The following CBLN2 variants were observed in gnomAD, a reference collection of about 807,000 sequenced individuals.
CBLN2 encodes cerebellin 2 precursor, also known as cerebellin-2.
CBLN2 carries 7 observed loss-of-function variants against 15.0 expected under a neutral mutation model. The ratio of observed to expected loss-of-function variants is 0.47; its 90% CI spans 0.27 to 0.88. The LOEUF (loss-of-function observed/expected upper bound fraction) is 0.88, where lower values mean the gene tolerates loss of function less well. Ranked by LOEUF, CBLN2 falls within the 40% of genes least tolerant of loss-of-function variation. The pLI is 0.14. For synonymous variants in CBLN2, 149 were observed against 135.2 expected (o/e 1.10, Z -0.71); for missense variants, 242 against 304.5 (o/e 0.79, Z 1.53).
chr18:72,605,281 A>G (rs1373182923), intron 1 of CBLN2, among the ~76,000 whole-genome samples: 1 of 152,180 alleles, frequency 6.6e-6, no homozygotes, highest in East Asian at 1.9e-4. Context: ...TATTTAATTT[A>G]TGACTCTACA....
chr18:72,618,346 A>G (rs1325182298), intron 1 of CBLN2: 1 of 478,238 alleles, frequency 2.1e-6, no homozygotes, highest in East Asian at 4.2e-5. Flanking sequence ...GAAACAACCA[A>G]TGAGAGCCTG....
At chr18:72,562,367 A>G (rs1428399501) in intron 1 of CBLN2, among the ~76,000 whole-genome samples, 1 of 152,220 alleles carries the variant, frequency 6.6e-6, no homozygotes, top group Non-Finnish European at 1.5e-5. Context: ...AAAAGAGGAT[A>G]AAGTATATCT....
intron 1 of CBLN2, among the ~76,000 whole-genome samples, chr18:72,555,572 A>T (rs949801557): frequency 1.3e-5 from 2 of 152,182 alleles, no homozygotes; most frequent in African/African-American, 4.8e-5. Context: ...TAATTTATGA[A>T]TTATAGAATT....
Position 72,543,135 on chromosome 18 carries a change from G to C in CBLN2, c.-167+351C>G, listed in dbSNP as rs1032813156. 4.8e-6 allele frequency: 1 copy of C among 208,812 alleles called. No individual in the cohort carries two copies. The highest frequency in any genetic ancestry group is 9.5e-6 in the Non-Finnish European group (1 of 104,942). The allele number at this position is 208,812 out of a possible 1,614,324, so 12.9% of individuals were successfully genotyped here. On this transcript the variant is annotated intron_variant, in intron 2 of 4. Transcript: ENST00000269503. This position sits in a 1 kb window ranked among gnomAD's most constrained non-coding sequence, Gnocchi z 6.8. ...CCACGGGGATTCTCTCTTTCTCAGC[G>C]GGGCGGCAGCCCCTGCAGGTTTCTG...
chr18:72,573,067 C>T (rs2069342550), intron 1 of CBLN2, among the ~76,000 whole-genome samples: 1 of 152,100 alleles, frequency 6.6e-6, no homozygotes. Context: ...AGCTGCCACA[C>T]TTGTTTTCAA....
chr18:72,623,984 G>A (rs2069717697), intron 1 of CBLN2, among the ~76,000 whole-genome samples: 1 of 152,158 alleles, frequency 6.6e-6, no homozygotes. Context: ...GGACCTTCAC[G>A]AGAGGTTTCT....
At chr18:72,584,145 TC>T (rs959151758) in intron 1 of CBLN2, among the ~76,000 whole-genome samples, 4 of 152,126 alleles carry the variant, frequency 2.6e-5, no homozygotes, top group African/African-American at 9.7e-5. Flanking sequence ...AGGTCACTTG[TC>T]CTGCACATAG....
intron 1 of CBLN2, among the ~76,000 whole-genome samples, chr18:72,607,874 A>C (rs542901353): frequency 1.3e-5 from 2 of 152,212 alleles, no homozygotes; most frequent in South Asian, 4.2e-4. Context: ...GAAACACATT[A>C]CAAACTTTTT....
intron 1 of CBLN2, among the ~76,000 whole-genome samples, chr18:72,578,110 G>C (rs1289792043): frequency 6.6e-6 from 1 of 152,106 alleles, no homozygotes; most frequent in Non-Finnish European, 1.5e-5. Flanking sequence ...CTAAAACAGG[G>C]ATTTTACTAC....
chr18:72,632,212 A>G (rs1356781428), intron 1 of CBLN2, among the ~76,000 whole-genome samples: 1 of 152,120 alleles, frequency 6.6e-6, no homozygotes, highest in East Asian at 1.9e-4. Flanking sequence ...GAAGCCCTGA[A>G]GGGTAACTGG....
intron 1 of CBLN2, among the ~76,000 whole-genome samples, chr18:72,625,814 C>CTATATA (rs1250960600): frequency 4.4e-3 from 291 of 66,550 alleles, no homozygotes; most frequent in Middle Eastern, 0.011. Flanking sequence ...CTCTCTCTCT[C>CTATATA]TCTCTATATA....
intron 1 of CBLN2, among the ~76,000 whole-genome samples, chr18:72,633,888 G>A (rs143790733): frequency 6.4e-4 from 97 of 152,144 alleles, no homozygotes; most frequent in African/African-American, 2.2e-3. Flanking sequence ...TACTGTTTAT[G>A]AATCTTGATG....
intron 1 of CBLN2, among the ~76,000 whole-genome samples, chr18:72,633,789 A>T (rs948245553): frequency 1.3e-5 from 2 of 152,164 alleles, no homozygotes; most frequent in African/African-American, 4.8e-5. Context: ...ATAAACATGC[A>T]TCTGACCTCT....
At chr18:72,544,842 G>A (rs2069146899), upstream of CBLN2, among the ~76,000 whole-genome samples, 1 of 151,688 alleles carries the variant, frequency 6.6e-6, no homozygotes, top group East Asian at 1.9e-4. Context: ...CAGACAACTG[G>A]GCCGTATAGT....
chr18:72,614,904 G>T (rs2069646625), intron 1 of CBLN2, among the ~76,000 whole-genome samples: 1 of 150,682 alleles, frequency 6.6e-6, no homozygotes, highest in Non-Finnish European at 1.5e-5. Flanking sequence ...AATTAACATA[G>T]TTATGTATTA....
chr18:72,607,078 C>T (rs992782094), intron 1 of CBLN2, among the ~76,000 whole-genome samples: 5 of 152,108 alleles, frequency 3.3e-5, no homozygotes, highest in African/African-American at 9.7e-5. Context: ...TTGGTGTCCT[C>T]AATAAATAAG....
At chr18:72,592,520 G>A (rs1362075338) in intron 1 of CBLN2, among the ~76,000 whole-genome samples, 2 of 151,932 alleles carry the variant, frequency 1.3e-5, no homozygotes, top group Non-Finnish European at 2.9e-5. Context: ...GTCCATTTTT[G>A]TTTTGGTTGC....
chr18:72,561,819 G>T lies in CBLN2; in HGVS notation c.16-23047C>A, dbSNP rs1183461039. On this transcript the variant is annotated intron_variant, in intron 1 of 2. Coordinates refer to the CBLN2 transcript ENST00000581073. ...CAATAACATGTGCATTAGCATGAGGGCTTAAAATTACGTAAACATTAATCT... is the reference window on the plus strand; with the variant it reads ...CAATAACATGTGCATTAGCATGAGGTCTTAAAATTACGTAAACATTAATCT... Among the ~76,000 whole-genome samples, 4 of 152,150 alleles carry T rather than the reference G, an allele frequency of 2.6e-5. No individual in the cohort carries two copies. In the East Asian group the frequency reaches 7.7e-4, roughly 29 times the overall value.
chr18:72,623,182 C>A (rs2069712655), intron 1 of CBLN2, among the ~76,000 whole-genome samples: 1 of 152,038 alleles, frequency 6.6e-6, no homozygotes, highest in African/African-American at 2.4e-5. Context: ...GGGAATTCAC[C>A]CCCATCATCC....
Sources: gnomAD v4.1 joint callset for allele counts (sites outside exome capture counted in the v4.1 genomes callset) on GRCh38, gnomAD v4.1.1 for gene constraint, Gnocchi (gnomAD v3.1) non-coding constraint, MANE v1.5 for transcripts, NCBI Gene and HGNC (gene_info 2026-07-23, HGNC 2026-07-21) for gene names.